PDE1A: variants seen among roughly 807,000 people sequenced by gnomAD.
The protein encoded by PDE1A is dual specificity calcium/calmodulin-dependent 3',5'-cyclic nucleotide phosphodiesterase 1A.
In PDE1A, 35 loss-of-function variants were observed where a neutral mutation model predicts 61.7. The observed-to-expected ratio is 0.57, with a 90% CI of 0.43 to 0.75. The LOEUF (loss-of-function observed/expected upper bound fraction) is 0.75, where lower values mean the gene tolerates loss of function less well. PDE1A is among the 30% of genes least tolerant of loss of function. The probability of loss-of-function intolerance (pLI) is 0.00; values close to 1 mark genes in which losing one functional copy is unlikely to be tolerated. For missense variants in PDE1A, 597 were observed against 630.6 expected, an observed-to-expected ratio of 0.95 and a Z score of 0.57; for synonymous variants, 232 against 213.2, an observed-to-expected ratio of 1.09 and a Z score of -0.77.
chr2:182,173,758 G>A (rs998362558), intron 13 of PDE1A, among the ~76,000 whole-genome samples: 3 of 151,974 alleles, frequency 2.0e-5, no homozygotes, highest in African/African-American at 7.2e-5. Flanking sequence ...TCTCAGAATT[G>A]CTTAGGATTC....
the PDE1A span, among the ~76,000 whole-genome samples, chr2:182,652,420 T>A: frequency 5.4e-4 from 83 of 152,302 alleles, no homozygotes; most frequent in African/African-American, 2.0e-3. Flanking sequence ...TTCAACTGCC[T>A]ATTTTACACC....
intron 1 of PDE1A, among the ~76,000 whole-genome samples, chr2:182,283,061 G>T (rs1359705964): frequency 6.6e-6 from 1 of 151,852 alleles, no homozygotes; most frequent in Non-Finnish European, 1.5e-5. Flanking sequence ...AATACCTTAG[G>T]TGTTAATCAA....
At chr2:182,610,586 A>T in the PDE1A span, among the ~76,000 whole-genome samples, 139 of 152,368 alleles carry the variant, frequency 9.1e-4, no homozygotes, top group African/African-American at 3.1e-3. Flanking sequence ...AATTATTTTT[A>T]AAACTGCTTT....
chr2:182,705,644 G>C, the PDE1A span, among the ~76,000 whole-genome samples: 1 of 152,100 alleles, frequency 6.6e-6, no homozygotes, highest in Non-Finnish European at 1.5e-5. Flanking sequence ...TTCCCAACTA[G>C]CTGGGGTTAC....
chr2:182,608,199 G>C, the PDE1A span, among the ~76,000 whole-genome samples: 14 of 152,300 alleles, frequency 9.2e-5, no homozygotes, highest in East Asian at 1.4e-3. Flanking sequence ...ATAGAAACCA[G>C]GACCCCTTTT....
chr2:182,164,245 C>T (rs1204939603), downstream of PDE1A, among the ~76,000 whole-genome samples: 3 of 152,100 alleles, frequency 2.0e-5, no homozygotes, highest in Non-Finnish European at 4.4e-5. Flanking sequence ...GCCCATAGTC[C>T]TCACTCCTTC....
chr2:182,486,503 A>G (rs1688034125), intron 2 of PDE1A, among the ~76,000 whole-genome samples: 1 of 152,068 alleles, frequency 6.6e-6, no homozygotes, highest in Non-Finnish European at 1.5e-5. Flanking sequence ...CAATTTTTTA[A>G]AAGAACAAAG....
In PDE1A at chr2:182,371,120, C is replaced by A. The variant is rs922647019; in HGVS notation, c.53+55458G>T. Among the ~76,000 whole-genome samples the A allele has an allele frequency of 2.0e-5, 3 of 152,146 alleles. No individual in the cohort carries two copies. In the South Asian group the frequency reaches 6.2e-4, roughly 32 times the overall value. ...GCTGGATGGAATCACAACTTAATGT[C>A]ATTTGATTCTAAAATCTTTGAAAAA... On this transcript the variant is annotated intron_variant, in intron 1 of 13. Coordinates refer to ENST00000351439, the Ensembl canonical transcript of PDE1A.
At chr2:182,362,355 A>T (rs1312619126) in intron 1 of PDE1A, among the ~76,000 whole-genome samples, 2 of 151,994 alleles carry the variant, frequency 1.3e-5, no homozygotes, top group Non-Finnish European at 2.9e-5. Flanking sequence ...AAGTAGAAAT[A>T]GAACAGAAAT....
the PDE1A span, among the ~76,000 whole-genome samples, chr2:182,685,792 G>A: frequency 1.3e-5 from 2 of 152,068 alleles, no homozygotes; most frequent in Admixed American, 6.6e-5. Flanking sequence ...TTTTGATCAC[G>A]CACCTTCCTC....
the PDE1A span, among the ~76,000 whole-genome samples, chr2:182,542,477 T>C: frequency 2.6e-5 from 4 of 152,138 alleles, no homozygotes; most frequent in African/African-American, 9.7e-5. Context: ...AATTAAACAT[T>C]TGTGTAAATT....
the PDE1A span, among the ~76,000 whole-genome samples, chr2:182,646,782 G>A: frequency 6.6e-6 from 1 of 152,036 alleles, no homozygotes; most frequent in Non-Finnish European, 1.5e-5. Flanking sequence ...TAATATTGCT[G>A]AAGAAATTAT....
intron 2 of PDE1A, among the ~76,000 whole-genome samples, chr2:182,496,547 C>A (rs1233536011): frequency 6.6e-6 from 1 of 152,182 alleles, no homozygotes; most frequent in Non-Finnish European, 1.5e-5. Context: ...AAATCTATAT[C>A]CCTGGGCCAT....
intron 1 of PDE1A, among the ~76,000 whole-genome samples, chr2:182,384,236 A>G (rs1353369662): frequency 6.6e-6 from 1 of 152,202 alleles, no homozygotes; most frequent in Middle Eastern, 3.2e-3. Flanking sequence ...GCACACATAG[A>G]CACATGACCA....
chr2:182,609,667 C>G, the PDE1A span, among the ~76,000 whole-genome samples: 4 of 152,230 alleles, frequency 2.6e-5, no homozygotes, highest in Non-Finnish European at 5.9e-5. Flanking sequence ...GGACACACTG[C>G]CTTTAAGAAC....
At chr2:182,244,993 T>C (rs977878546) in intron 2 of PDE1A, among the ~76,000 whole-genome samples, 1 of 152,216 alleles carries the variant, frequency 6.6e-6, no homozygotes, top group African/African-American at 2.4e-5. Flanking sequence ...GAGAGCTTCA[T>C]CTGCCTATGC....
chr2:182,345,937 T>G (rs1300266753), intron 1 of PDE1A, among the ~76,000 whole-genome samples: 1 of 152,220 alleles, frequency 6.6e-6, no homozygotes, highest in Non-Finnish European at 1.5e-5. Context: ...CCTGCAATGT[T>G]ACCTCTGCAA....
chr2:182,439,148 T>C (rs1031471824), intron 2 of PDE1A, among the ~76,000 whole-genome samples: 6 of 151,958 alleles, frequency 3.9e-5, no homozygotes, highest in African/African-American at 9.7e-5. Context: ...AAGACCCAGA[T>C]TGGTAATAAG....
At chr2:182,273,537 C>G (rs994412494) in intron 1 of PDE1A, among the ~76,000 whole-genome samples, 2 of 151,740 alleles carry the variant, frequency 1.3e-5, no homozygotes, top group African/African-American at 2.4e-5. Context: ...TGAAAACAGG[C>G]ACATATTTCA....
Sources: allele counts gnomAD v4.1 joint callset (sites outside exome capture counted in the v4.1 genomes callset), GRCh38; gene constraint gnomAD v4.1.1; transcripts MANE v1.5; gene names NCBI Gene and HGNC (gene_info 2026-07-23, HGNC 2026-07-21).